The following CLIP4 variants were observed in gnomAD, a reference collection of about 807,000 sequenced individuals.
CLIP4 encodes the protein CAP-Gly domain-containing linker protein 4.
CLIP4 carries 47 observed loss-of-function variants against 73.1 expected under a neutral mutation model. That is an observed-to-expected ratio of 0.64 (90% CI 0.51 to 0.82). The LOEUF (loss-of-function observed/expected upper bound fraction) is 0.82, where lower values mean the gene tolerates loss of function less well. CLIP4 is among the 40% of genes least tolerant of loss of function. CLIP4 has a pLI of 0.00. For missense variants in CLIP4, 874 were observed against 852.9 expected, an observed-to-expected ratio of 1.02 and a Z score of -0.31; for synonymous variants, 306 against 295.4, an observed-to-expected ratio of 1.04 and a Z score of -0.37.
At chr2:29,129,495 C>T (rs1572901141) in intron 2 of CLIP4, among the ~76,000 whole-genome samples, 2 of 151,868 alleles carry the variant, frequency 1.3e-5, no homozygotes, top group East Asian at 1.9e-4. Flanking sequence ...GCTTTCATTT[C>T]CAAATTTTAG....
At chr2:29,135,387 G>A (rs1665279522) in intron 5 of CLIP4, among the ~76,000 whole-genome samples, 161 bp from the exon 6 acceptor site, 1 of 152,178 alleles carries the variant, frequency 6.6e-6, no homozygotes, top group Non-Finnish European at 1.5e-5. Context: ...TAACTAGATT[G>A]TAATATAAAG....
chr2:29,171,676 G>A (rs1168315171), intron 14 of CLIP4, among the ~76,000 whole-genome samples: 5 of 151,766 alleles, frequency 3.3e-5, no homozygotes, highest in African/African-American at 4.8e-5. Flanking sequence ...CCACCACCAC[G>A]CCCGGCTAAT....
intron 14 of CLIP4, among the ~76,000 whole-genome samples, chr2:29,171,827 CT>C (rs1425274332): frequency 6.6e-6 from 1 of 151,906 alleles, no homozygotes; most frequent in East Asian, 1.9e-4. Context: ...CTAGGTTTTA[CT>C]TTTTTAAAAA....
chr2:29,168,206 A>G (rs888978698), intron 14 of CLIP4, among the ~76,000 whole-genome samples: 6 of 151,952 alleles, frequency 3.9e-5, no homozygotes, highest in South Asian at 2.1e-4. Context: ...TTTAATTTGC[A>G]TTTTCTGGAT....
intron 9 of CLIP4, 137 bp downstream of exon 9, chr2:29,152,965 GT>G: frequency 1.1e-6 from 1 of 920,182 alleles, no homozygotes; most frequent in South Asian, 1.7e-5. Context: ...CATCTTATGT[GT>G]TTTTAAACCT....
intron 8 of CLIP4, among the ~76,000 whole-genome samples, chr2:29,146,669 G>A (rs548416230): frequency 3.3e-5 from 5 of 152,222 alleles, no homozygotes; most frequent in African/African-American, 1.2e-4. Flanking sequence ...GAGGTGGTGT[G>A]GTATGATGAT....
intron 9 of CLIP4, among the ~76,000 whole-genome samples, chr2:29,153,279 C>A (rs1284265470): frequency 6.6e-6 from 1 of 152,062 alleles, no homozygotes; most frequent in African/African-American, 2.4e-5. Context: ...TATGGAAGAA[C>A]TATGGAAGAG....
At chr2:29,173,198 C>A (rs1668122699) in intron 14 of CLIP4, among the ~76,000 whole-genome samples, 1 of 152,104 alleles carries the variant, frequency 6.6e-6, no homozygotes, top group Non-Finnish European at 1.5e-5. Flanking sequence ...CAACCTGGGA[C>A]TTTAATTTAT....
At chr2:29,148,063 G>A (rs2148009675) in intron 8 of CLIP4, among the ~76,000 whole-genome samples, 1 of 152,238 alleles carries the variant, frequency 6.6e-6, no homozygotes, top group South Asian at 2.1e-4. Flanking sequence ...CCAAGGGGAG[G>A]CGTGCTTGAT....
At chr2:29,107,371 T>TTTTG (rs1668250020) in intron 1 of CLIP4, among the ~76,000 whole-genome samples, 3 of 119,008 alleles carry the variant, frequency 2.5e-5, no homozygotes, top group South Asian at 3.2e-4. Flanking sequence ...TTTTTTTTTT[T>TTTTG]TTTTTTTTTT....
chr2:29,128,235 C>G (rs984540814), intron 2 of CLIP4, among the ~76,000 whole-genome samples: 3 of 148,528 alleles, frequency 2.0e-5, no homozygotes, highest in Non-Finnish European at 4.4e-5. Flanking sequence ...TTCTAGGGGC[C>G]GTTGAAAAAT....
rs1229318008 is a variant in CLIP4, at chr2:29,101,311, A to G, written c.-16+3364A>G. 6.1e-4 allele frequency among the ~76,000 whole-genome samples: 90 copies of G among 147,186 alleles called. 1 individual carries two copies. Among genetic ancestry groups the G allele is most frequent in the Admixed American group, 1.7e-3 (25 of 15,020 alleles). On this transcript the variant is annotated intron_variant, in intron 1 of 14. Transcript: ENST00000401605. ...TCCCCCCCCCAAAACAAAAAAAAAA[A>G]GAAAAAAAAAAAAAGTAGGGAAGCC...
At chr2:29,158,049 A>G (rs970972625) in intron 11 of CLIP4, among the ~76,000 whole-genome samples, 1 of 152,222 alleles carries the variant, frequency 6.6e-6, no homozygotes, top group African/African-American at 2.4e-5. Flanking sequence ...TTCTAAAAAA[A>G]TACTTGATGG....
chr2:29,150,871 C>T (rs889917247), intron 8 of CLIP4, among the ~76,000 whole-genome samples: 14 of 152,008 alleles, frequency 9.2e-5, no homozygotes, highest in African/African-American at 2.2e-4. Flanking sequence ...CCGCTTGCCT[C>T]GGCCTCCTAA....
At chr2:29,142,717 A>G (rs3100226) in intron 6 of CLIP4, among the ~76,000 whole-genome samples, 67,220 of 152,102 alleles carry the variant, frequency 0.44, 15,865 homozygotes, top group African/African-American at 0.61. Flanking sequence ...TTTCCATGTG[A>G]ATCATTTGAA....
At position 29,135,638 on chromosome 2, in the gene CLIP4, T is replaced by G. The variant is rs769166555; in HGVS notation, c.620T>G (p.Leu207Trp). ...NLCAGAVKCL[L>W]EQGANPAFRN... ...TGTGCAGGTGCTGTGAAGTGCCTCT[T>G]GGAGCAGGGAGCAAATCCTGCATTT... The change falls in exon 6 of 16, where the codon TTG becomes TGG. Residue 207 changes from leucine to tryptophan, a missense_variant. Coordinates refer to ENST00000320081, the MANE Select transcript of CLIP4 (RefSeq NM_024692.6). The G allele has an allele frequency of 4.3e-5, 70 of 1,610,066 alleles. No homozygotes were observed. Among genetic ancestry groups the G allele is most frequent in the Non-Finnish European group, 5.9e-5 (69 of 1,178,468 alleles).
chr2:29,139,346 C>T (rs537713379), intron 6 of CLIP4, among the ~76,000 whole-genome samples: 7 of 151,776 alleles, frequency 4.6e-5, no homozygotes, highest in Admixed American at 6.6e-5. Flanking sequence ...GACTTGATCA[C>T]GGTGAATTAT....
chr2:29,157,493 C>A, intron 11 of CLIP4, 146 bp downstream of exon 11: 4 of 1,200,854 alleles, frequency 3.3e-6, no homozygotes, highest in Non-Finnish European at 3.6e-6. Flanking sequence ...CTCCCCCGAA[C>A]CTTAAGCCTT....
intron 2 of CLIP4, among the ~76,000 whole-genome samples, chr2:29,121,831 A>C (rs1380932062): frequency 1.3e-5 from 2 of 152,158 alleles, no homozygotes; most frequent in African/African-American, 4.8e-5. Context: ...TGATGTATTT[A>C]TTTTGGTTAA....
Sources: allele counts gnomAD v4.1 joint callset (sites outside exome capture counted in the v4.1 genomes callset), GRCh38; gene constraint gnomAD v4.1.1; transcripts MANE v1.5; gene names NCBI Gene and HGNC (gene_info 2026-07-23, HGNC 2026-07-21).